The following PRKCA variants were observed in gnomAD, a reference collection of about 807,000 sequenced individuals.
The protein encoded by PRKCA is protein kinase C alpha.
A neutral mutation model predicts 87.0 loss-of-function variants in PRKCA; 27 were observed. The observed-to-expected ratio is 0.31, with a 90% CI of 0.23 to 0.43. The LOEUF is 0.43. Among genes scored for constraint, PRKCA ranks in the 20% least tolerant of loss-of-function variants. The pLI is 1.00. For synonymous variants in PRKCA, 329 were observed against 311.1 expected (o/e 1.06, Z -0.61); for missense variants, 518 against 852.3 (o/e 0.61, Z 4.88).
At chr17:66,619,126 A>G (rs1026463228) in intron 3 of PRKCA, among the ~76,000 whole-genome samples, 1 of 152,156 alleles carries the variant, frequency 6.6e-6, no homozygotes, top group Non-Finnish European at 1.5e-5. Flanking sequence ...TGGAGAAGCT[A>G]GGGTCGGGAA....
intron 2 of PRKCA, among the ~76,000 whole-genome samples, chr17:66,322,736 A>T (rs2143224485): frequency 6.7e-6 from 1 of 150,348 alleles, no homozygotes; most frequent in East Asian, 2.0e-4. Context: ...ATCCCACAGT[A>T]GTGGGATTAT....
At chr17:66,737,842 G>A (rs1037624094) in intron 10 of PRKCA, among the ~76,000 whole-genome samples, 1 of 152,210 alleles carries the variant, frequency 6.6e-6, no homozygotes, top group African/African-American at 2.4e-5. Context: ...ATTAAGCTCT[G>A]GAAAGCTACA....
intron 5 of PRKCA, among the ~76,000 whole-genome samples, chr17:66,670,520 G>A (rs1382292818): frequency 6.6e-6 from 1 of 152,152 alleles, no homozygotes; most frequent in Non-Finnish European, 1.5e-5. Context: ...GATAAAAAAT[G>A]TTTTGGGGTG....
Position 66,319,087 on chromosome 17 carries a change from A to T in PRKCA, c.205+12960A>T, listed in dbSNP as rs9910355. Among the ~76,000 whole-genome samples the T allele has an allele frequency of 2.1e-4, 32 of 151,934 alleles. No homozygotes were observed. In the East Asian group the frequency reaches 2.3e-3, roughly 11 times the overall value. On this transcript the variant is annotated intron_variant, in intron 2 of 16. Transcript: ENST00000413366. Reference sequence around the variant, plus strand: ...AGGCTGCAGTGAGCCGAGATTGTGCAGCTGCACTTTAGCCTAAGTGACAGA... The same window carrying T: ...AGGCTGCAGTGAGCCGAGATTGTGCTGCTGCACTTTAGCCTAAGTGACAGA...
intron 3 of PRKCA, among the ~76,000 whole-genome samples, chr17:66,540,974 T>G (rs1967965575): frequency 6.6e-6 from 1 of 152,160 alleles, no homozygotes; most frequent in Non-Finnish European, 1.5e-5. Flanking sequence ...ACAAGGTATG[T>G]GCAAGTATTT....
At chr17:66,557,444 CAA>C (rs771806366) in intron 3 of PRKCA, among the ~76,000 whole-genome samples, 10 of 106,802 alleles carry the variant, frequency 9.4e-5, no homozygotes, top group Admixed American at 9.6e-5. Flanking sequence ...GAAACCTGTG[CAA>C]AAAAAAAAAA....
At chr17:66,533,029 G>A (rs1967620979) in intron 3 of PRKCA, among the ~76,000 whole-genome samples, 1 of 152,182 alleles carries the variant, frequency 6.6e-6, no homozygotes, top group Non-Finnish European at 1.5e-5. Flanking sequence ...ACCTTAGGCA[G>A]CCAACAACAC....
At chr17:66,691,862 G>A (rs1972794366) in intron 8 of PRKCA, among the ~76,000 whole-genome samples, 2 of 152,248 alleles carry the variant, frequency 1.3e-5, no homozygotes, top group Admixed American at 1.3e-4. Flanking sequence ...TTTGCTGCTG[G>A]AGAAATATTG....
intron 8 of PRKCA, among the ~76,000 whole-genome samples, chr17:66,694,375 G>A (rs550728753): frequency 5.3e-5 from 8 of 150,948 alleles, no homozygotes; most frequent in East Asian, 3.9e-4. Flanking sequence ...CCAGCTACTC[G>A]GGAGACTGAG....
intron 2 of PRKCA, among the ~76,000 whole-genome samples, chr17:66,437,624 C>A (rs968557403): frequency 6.6e-6 from 1 of 151,824 alleles, no homozygotes; most frequent in African/African-American, 2.4e-5. Context: ...TTGGCAGTCC[C>A]CCGAGCAGAC....
chr17:66,313,870 G>A (rs776443574), intron 2 of PRKCA, among the ~76,000 whole-genome samples: 1 of 152,204 alleles, frequency 6.6e-6, no homozygotes, highest in African/African-American at 2.4e-5. Context: ...GAGTGAAACA[G>A]CTGTGATTAT....
At chr17:66,386,192 A>G (rs1487663725) in intron 2 of PRKCA, among the ~76,000 whole-genome samples, 1 of 152,162 alleles carries the variant, frequency 6.6e-6, no homozygotes, top group African/African-American at 2.4e-5. Context: ...ATCATCCTAC[A>G]GTTCTGAGAC....
chr17:66,799,094 G>A (rs1395136969), intron 16 of PRKCA, among the ~76,000 whole-genome samples: 44 of 968 alleles, frequency 0.045, no homozygotes, highest in African/African-American at 0.061. Context: ...GGTGGTGGTG[G>A]TGGTGGTGGT....
intron 2 of PRKCA, among the ~76,000 whole-genome samples, chr17:66,391,856 C>G (rs1268348991): frequency 6.6e-6 from 1 of 152,124 alleles, no homozygotes; most frequent in Non-Finnish European, 1.5e-5. Flanking sequence ...CAGACACAGC[C>G]TCCTCTTGCG....
At chr17:66,726,503 G>A (rs1973751970) in intron 8 of PRKCA, among the ~76,000 whole-genome samples, 2 of 152,182 alleles carry the variant, frequency 1.3e-5, no homozygotes, top group Non-Finnish European at 2.9e-5. Context: ...GACCACTGTG[G>A]AGGATGACTG....
In PRKCA at chr17:66,588,635, CTTTTTTTTTTTTTTT is replaced by C. The variant is rs397856363; in HGVS notation, c.289-52707_289-52693del. 3.3e-3 allele frequency among the ~76,000 whole-genome samples: 130 copies of C among 39,112 alleles called. 1 individual carries two copies. In the East Asian group the frequency reaches 0.034, roughly 10 times the overall value. 25.7% of individuals were successfully genotyped at this position (39,112 alleles called of 152,430 possible). A position where few individuals can be genotyped will look rare whatever the true frequency, so the allele number is the denominator to read the frequency against. On this transcript the variant is annotated intron_variant, in intron 3 of 16. Coordinates refer to ENST00000413366, the MANE Select transcript of PRKCA (RefSeq NM_002737.3). ...CTTTCTGAGGTTTTATTTTGCTTTG[CTTTTTTTTTTTTTTT>C]TTTTTTTTTTTTGAGAGTTTCGCTT...
intron 5 of PRKCA, among the ~76,000 whole-genome samples, chr17:66,681,407 A>T (rs1360568884): frequency 1.3e-5 from 2 of 152,158 alleles, no homozygotes; most frequent in Non-Finnish European, 2.9e-5. Flanking sequence ...TACCCTGAGG[A>T]AACAGCCCTG....
intron 2 of PRKCA, among the ~76,000 whole-genome samples, chr17:66,334,136 G>A (rs1362649491): frequency 6.6e-6 from 1 of 152,150 alleles, no homozygotes; most frequent in Non-Finnish European, 1.5e-5. Flanking sequence ...TGTAGTCCCA[G>A]CTACTTGGGA....
At chr17:66,592,618 G>A (rs1487721943) in intron 3 of PRKCA, among the ~76,000 whole-genome samples, 1 of 152,110 alleles carries the variant, frequency 6.6e-6, no homozygotes, top group Non-Finnish European at 1.5e-5. Context: ...TCACACTCAG[G>A]CAAGACTGGA....
Sources: allele counts gnomAD v4.1 joint callset (sites outside exome capture counted in the v4.1 genomes callset), GRCh38; gene constraint gnomAD v4.1.1; transcripts MANE v1.5; gene names NCBI Gene and HGNC (gene_info 2026-07-23, HGNC 2026-07-21).